The following FRMPD4 variants were observed in gnomAD, a reference collection of about 807,000 sequenced individuals.
FRMPD4 encodes the protein FERM and PDZ domain containing 4, also known as FERM and PDZ domain-containing protein 4.
In FRMPD4, 22 loss-of-function variants were observed where a neutral mutation model predicts 94.1. That is an observed-to-expected ratio of 0.23 (90% CI 0.17 to 0.33). The LOEUF (loss-of-function observed/expected upper bound fraction) is 0.33, where lower values mean the gene tolerates loss of function less well. FRMPD4 is among the 10% of genes least tolerant of loss of function. FRMPD4 has a pLI of 1.00. For missense variants in FRMPD4, 1,111 were observed against 1,339.9 expected, an observed-to-expected ratio of 0.83 and a Z score of 2.67; for synonymous variants, 631 against 548.6, an observed-to-expected ratio of 1.15 and a Z score of -2.10.
intron 1 of FRMPD4, among the ~76,000 whole-genome samples, chrX:11,829,107 A>G (rs927648789): frequency 8.0e-5 from 9 of 112,134 alleles, no homozygotes; most frequent in Admixed American, 4.7e-4. Flanking sequence ...GCTGAGGCTC[A>G]CCCACATTAT....
rs770759964 is a variant in FRMPD4, at chrX:12,388,465, C to A, written c.42-110215C>A. Among the ~76,000 whole-genome samples, 15 of 109,017 alleles carry A rather than the reference C, an allele frequency of 1.4e-4. No homozygotes were observed. The East Asian group carries it at 3.8e-3, about 27-fold the overall frequency. The allele number at this position is 109,017 out of a possible 115,157, so 94.7% of individuals were successfully genotyped here. On this transcript the variant is annotated intron_variant, in intron 1 of 16. Coordinates refer to ENST00000675598, the MANE Select transcript of FRMPD4 (RefSeq NM_001368397.1). ...ACTAAAAATACAAAAATTAGCTGGG[C>A]ATGGTGGCGTGCACCTGTAGTCCCA...
chrX:12,480,268 C>T (rs1308344888), intron 1 of FRMPD4, among the ~76,000 whole-genome samples: 1 of 90,208 alleles, frequency 1.1e-5, no homozygotes, highest in African/African-American at 4.3e-5. Context: ...CTGAATTCTC[C>T]AGGGGTGATC....
chrX:11,953,489 T>G (rs980382975), intron 3 of FRMPD4, among the ~76,000 whole-genome samples: 6 of 108,845 alleles, frequency 5.5e-5, no homozygotes, highest in Non-Finnish European at 1.1e-4. Context: ...CATTATCAAA[T>G]AAAAAGCAAA....
At chrX:12,311,335 T>C (rs1367298938) in intron 1 of FRMPD4, among the ~76,000 whole-genome samples, 1 of 112,455 alleles carries the variant, frequency 8.9e-6, no homozygotes, top group African/African-American at 3.2e-5. Context: ...CCTTCTCCCA[T>C]GGAATAAGAA....
chrX:11,949,346 T>G (rs775036651), intron 3 of FRMPD4, among the ~76,000 whole-genome samples: 1 of 112,057 alleles, frequency 8.9e-6, no homozygotes, highest in South Asian at 3.7e-4. Flanking sequence ...TCCTCCCCAC[T>G]GGGGCTTCAA....
chrX:12,504,571 C>T (rs2057959321), intron 2 of FRMPD4, among the ~76,000 whole-genome samples: 1 of 112,551 alleles, frequency 8.9e-6, no homozygotes, highest in African/African-American at 3.2e-5. Context: ...ACATTAGGAG[C>T]TGTTTATTCC....
intron 5 of FRMPD4, among the ~76,000 whole-genome samples, chrX:12,679,313 T>C (rs1178191795): frequency 8.9e-6 from 1 of 111,845 alleles, no homozygotes; most frequent in East Asian, 2.8e-4. Flanking sequence ...AAGAAGTTTT[T>C]TTTATACTCA....
rs1418899486 is a variant in FRMPD4, at chrX:12,713,480, TGGAGAGAGAG to T, written c.1610-2588_1610-2579del. On this transcript the variant is annotated intron_variant, in intron 14 of 16. Coordinates refer to ENST00000675598, the MANE Select transcript of FRMPD4 (RefSeq NM_001368397.1). ...TCAAAGATACAGGGCGGGAGGTAGG[TGGAGAGAGAG>T]AGAGAGAGAGAGAGACAGAGAGAGA... 1.5e-3 allele frequency among the ~76,000 whole-genome samples: 118 copies of T among 78,413 alleles called. 1 individual carries two copies. Among genetic ancestry groups the T allele is most frequent in the African/African-American group, 5.5e-3 (109 of 19,767 alleles). The allele number at this position is 78,413 out of a possible 115,157, so 68.1% of individuals were successfully genotyped here.
chrX:11,945,151 C>T (rs1462596159), intron 3 of FRMPD4, among the ~76,000 whole-genome samples: 1 of 111,463 alleles, frequency 9.0e-6, no homozygotes, highest in Non-Finnish European at 1.9e-5. Flanking sequence ...TTTCTTGCCC[C>T]TCCAACCCCC....
intron 1 of FRMPD4, among the ~76,000 whole-genome samples, chrX:12,473,143 A>T (rs1373459677): frequency 9.0e-6 from 1 of 110,860 alleles, no homozygotes; most frequent in Non-Finnish European, 1.9e-5. Flanking sequence ...GCCAGAAGAG[A>T]GTGGGGGCCA....
At chrX:12,140,676 G>A (rs369097741) in intron 1 of FRMPD4, among the ~76,000 whole-genome samples, 2 of 112,219 alleles carry the variant, frequency 1.8e-5, no homozygotes, top group African/African-American at 6.5e-5. Context: ...CTAGAGCCTC[G>A]ATTTAGTCCT....
intron 1 of FRMPD4, among the ~76,000 whole-genome samples, chrX:12,383,535 C>T (rs771674293): frequency 3.6e-5 from 4 of 111,460 alleles, no homozygotes; most frequent in Admixed American, 1.9e-4. Context: ...TGTTTTATGA[C>T]GATTTTTATT....
chrX:11,914,092 A>G (rs1318237821), intron 3 of FRMPD4, among the ~76,000 whole-genome samples: 1 of 111,977 alleles, frequency 8.9e-6, no homozygotes, highest in Admixed American at 9.5e-5. Flanking sequence ...TCTGTATTCC[A>G]TAATATCTCT....
chrX:12,423,562 G>A (rs2056911299), intron 1 of FRMPD4, among the ~76,000 whole-genome samples: 1 of 111,889 alleles, frequency 8.9e-6, no homozygotes, highest in Non-Finnish European at 1.9e-5. Context: ...CCAAGTGAGG[G>A]TGGGGGTGCA....
chrX:11,891,581 T>A lies in FRMPD4; in HGVS notation c.95+13563T>A, dbSNP rs139764722. Among the ~76,000 whole-genome samples, 774 of 112,178 alleles carry A rather than the reference T, an allele frequency of 6.9e-3. 12 individuals carry two copies. Among genetic ancestry groups the A allele is most frequent in the African/African-American group, 0.024 (726 of 30,840 alleles). On this transcript the variant is annotated intron_variant, in intron 3 of 18. Coordinates refer to the FRMPD4 transcript ENST00000640291. ...CCACAGGATAGGTTAACAGTTGACA[T>A]CTAACACTGGGTATGCAGTATTGTG...
intron 2 of FRMPD4, among the ~76,000 whole-genome samples, chrX:12,590,706 C>A (rs1371853596): frequency 2.7e-5 from 3 of 111,848 alleles, no homozygotes; most frequent in East Asian, 2.8e-4. Context: ...GAATATTAAA[C>A]AACCTTCAAG....
chrX:12,424,857 A>G (rs1259973562), intron 1 of FRMPD4, among the ~76,000 whole-genome samples: 1 of 112,801 alleles, frequency 8.9e-6, no homozygotes, highest in Non-Finnish European at 1.9e-5. Flanking sequence ...ACAAATAAAG[A>G]TTATAATTTC....
intron 6 of FRMPD4, among the ~76,000 whole-genome samples, chrX:12,684,134 G>C (rs2059998428): frequency 8.9e-6 from 1 of 111,989 alleles, no homozygotes; most frequent in Non-Finnish European, 1.9e-5. Flanking sequence ...AATAGGTCCT[G>C]ATAGAAATCA....
At chrX:12,065,531 C>T (rs953191550) in intron 3 of FRMPD4, among the ~76,000 whole-genome samples, 3 of 111,940 alleles carry the variant, frequency 2.7e-5, no homozygotes, top group African/African-American at 9.7e-5. Context: ...TTCCTCCTTC[C>T]TCCCTCTCCA....
Sources: allele counts gnomAD v4.1 joint callset (sites outside exome capture counted in the v4.1 genomes callset), GRCh38; gene constraint gnomAD v4.1.1; transcripts MANE v1.5; gene names NCBI Gene and HGNC (gene_info 2026-07-23, HGNC 2026-07-21).